The following INPP4A variants were observed in gnomAD, a reference collection of about 807,000 sequenced individuals.
INPP4A encodes the protein inositol polyphosphate-4-phosphatase type I A.
A neutral mutation model predicts 119.8 loss-of-function variants in INPP4A; 33 were observed. The observed-to-expected ratio is 0.28, with a 90% CI of 0.21 to 0.37. The LOEUF (loss-of-function observed/expected upper bound fraction) is 0.37. Among genes scored for constraint, INPP4A ranks in the 10% least tolerant of loss-of-function variants. The pLI is 1.00. For missense variants in INPP4A, 956 were observed against 1,289.9 expected, an observed-to-expected ratio of 0.74 and a Z score of 3.97; for synonymous variants, 496 against 500.7, an observed-to-expected ratio of 0.99 and a Z score of 0.12.
chr2:98,555,487 G>T lies in INPP4A; in HGVS notation c.1567-66G>T, dbSNP rs114128221. 2.0e-3 allele frequency: 3,007 copies of T among 1,520,540 alleles called. 47 individuals are homozygous for T. In the African/African-American group the frequency reaches 0.037, roughly 19 times the overall value. 94.2% of individuals were successfully genotyped at this position (1,520,540 alleles called of 1,614,324 possible). On this transcript the variant is annotated intron_variant, in intron 15 of 24. Transcript: ENST00000409851. ...GCAGGGGATCAGTGGAGGGCGATTT[G>T]GTTTGTGTTATGTTTGTGTTTCTGT...
At chr2:98,487,298 A>T (rs56091613) in intron 1 of INPP4A, among the ~76,000 whole-genome samples, 15 of 152,092 alleles carry the variant, frequency 9.9e-5, no homozygotes, top group Non-Finnish European at 1.8e-4. Flanking sequence ...TGTATTTGTC[A>T]TATCTCCCTA....
chr2:98,510,817 T>A (rs1231092584), intron 1 of INPP4A, among the ~76,000 whole-genome samples: 1 of 152,238 alleles, frequency 6.6e-6, no homozygotes, highest in East Asian at 1.9e-4. Flanking sequence ...GGCCCTGTAT[T>A]ATAGTAGTAA....
chr2:98,541,828 T>C (rs146491312), intron 10 of INPP4A, among the ~76,000 whole-genome samples: 3 of 152,326 alleles, frequency 2.0e-5, no homozygotes, highest in East Asian at 3.9e-4. Context: ...CAAGTGATCC[T>C]CCCACCTTGG....
chr2:98,536,006 G>A lies in INPP4A; in HGVS notation c.388-123G>A, dbSNP rs148554834. The stretch of plus-strand genomic sequence containing the variant: ...GCGAATTGTTAAGCTTTCCCATTGG[G>A]CTTCTGACATAAGGGTAAGAGGTGT... On this transcript the variant is annotated intron_variant, in intron 6 of 24. Transcript: ENST00000409851. 7.8e-3 allele frequency: 5,657 copies of A among 722,608 alleles called. 44 individuals carry two copies. Among genetic ancestry groups the A allele is most frequent in the South Asian group, 9.8e-3 (558 of 56,654 alleles). 44.8% of individuals were successfully genotyped at this position (722,608 alleles called of 1,614,324 possible). A position where few individuals can be genotyped will look rare whatever the true frequency, so the allele number is the denominator to read the frequency against.
At chr2:98,499,959 G>C (rs1043349158) in intron 1 of INPP4A, among the ~76,000 whole-genome samples, 1 of 152,154 alleles carries the variant, frequency 6.6e-6, no homozygotes, top group African/African-American at 2.4e-5. Flanking sequence ...ACTTGTGTCC[G>C]TGGGTCTGGC....
At chr2:98,513,217 C>T (rs1384163761) in intron 1 of INPP4A, among the ~76,000 whole-genome samples, 2 of 152,170 alleles carry the variant, frequency 1.3e-5, no homozygotes, top group Non-Finnish European at 2.9e-5. Flanking sequence ...GCTTTTATGA[C>T]CCATGCCAAC....
intron 1 of INPP4A, among the ~76,000 whole-genome samples, chr2:98,449,150 T>C (rs1694805965): frequency 6.6e-6 from 1 of 152,202 alleles, no homozygotes; most frequent in African/African-American, 2.4e-5. Flanking sequence ...TTAATCTGTG[T>C]CTTAAAGGAA....
chr2:98,540,184 G>T (rs1413171287), intron 10 of INPP4A, among the ~76,000 whole-genome samples: 2 of 152,060 alleles, frequency 1.3e-5, no homozygotes, highest in Admixed American at 1.3e-4. Flanking sequence ...CACCCACCTC[G>T]GCCTCCCAAA....
At position 98,538,882 on chromosome 2, in the gene INPP4A, C is replaced by A. The variant is rs1424623103; in HGVS notation, c.580-9C>A. The A allele has an allele frequency of 5.8e-6, 9 of 1,557,970 alleles. No homozygotes were observed. Among genetic ancestry groups the A allele is most frequent in the South Asian group, 1.1e-5 (1 of 88,922 alleles). ...CAGTTTTCTTGTGCATTTCCTTATA[C>A]ATTATCAGATGGTTCTTCCTGTCGA... On this transcript the variant is annotated splice_polypyrimidine_tract_variant and intron_variant, in intron 8 of 24. Transcript: ENST00000409851.
intron 4 of INPP4A, among the ~76,000 whole-genome samples, chr2:98,523,882 C>T (rs539741578): frequency 6.6e-6 from 1 of 152,130 alleles, no homozygotes; most frequent in African/African-American, 2.4e-5. Context: ...TATGTTTGAC[C>T]CTCACAGAGT....
chr2:98,448,743 T>A (rs1694718858), intron 1 of INPP4A, among the ~76,000 whole-genome samples: 1 of 149,060 alleles, frequency 6.7e-6, no homozygotes, highest in African/African-American at 2.5e-5. Flanking sequence ...AGACAAGGTC[T>A]CCCTTCGTTG....
At chr2:98,459,018 C>T (rs1032142864) in intron 1 of INPP4A, among the ~76,000 whole-genome samples, 7 of 152,250 alleles carry the variant, frequency 4.6e-5, no homozygotes, top group African/African-American at 1.7e-4. Flanking sequence ...CTGACTTTTA[C>T]CACATTTGCC....
intron 1 of INPP4A, among the ~76,000 whole-genome samples, chr2:98,487,112 A>G (rs1444816982): frequency 1.3e-5 from 2 of 152,232 alleles, no homozygotes; most frequent in Non-Finnish European, 1.5e-5. Context: ...CTCCCATATG[A>G]TACCTCCTGC....
chr2:98,483,536 A>T (rs1478566339), intron 1 of INPP4A, among the ~76,000 whole-genome samples: 1 of 151,788 alleles, frequency 6.6e-6, no homozygotes, highest in Non-Finnish European at 1.5e-5. Context: ...TGCATGTGGG[A>T]TCTGTCGCCA....
At chr2:98,586,315 G>C (rs769090548) in intron 24 of INPP4A, among the ~76,000 whole-genome samples, 1 of 151,718 alleles carries the variant, frequency 6.6e-6, no homozygotes, top group African/African-American at 2.4e-5. Flanking sequence ...ACTTTAAAAG[G>C]CTTGAGCAAT....
intron 1 of INPP4A, among the ~76,000 whole-genome samples, chr2:98,471,013 G>A (rs534322142): frequency 6.6e-6 from 1 of 152,258 alleles, no homozygotes; most frequent in Admixed American, 6.5e-5. Context: ...CTCTGAATAG[G>A]TTTCAGTGTG....
At chr2:98,489,400 G>A (rs1279958783) in intron 1 of INPP4A, among the ~76,000 whole-genome samples, 1 of 152,174 alleles carries the variant, frequency 6.6e-6, no homozygotes, top group Non-Finnish European at 1.5e-5. Context: ...AGGCTGCAGA[G>A]TGGAGGGATA....
intron 1 of INPP4A, among the ~76,000 whole-genome samples, chr2:98,518,379 G>A (rs758630177): frequency 5.3e-5 from 8 of 152,192 alleles, no homozygotes; most frequent in African/African-American, 1.9e-4. Context: ...CTGCTCTTGC[G>A]GTCATCTGAT....
In INPP4A at chr2:98,587,578, C is replaced by G. The variant is rs768083744; in HGVS notation, c.2889C>G (p.Pro963=). Reference sequence around the variant, plus strand: ...CTTTCCCCAAGCATTACAGGCCTCCCGAAGGGACTTACGGAAAAGTTGAAA... The same window carrying G: ...CTTTCCCCAAGCATTACAGGCCTCCGGAAGGGACTTACGGAAAAGTTGAAA... ...LKAFPKHYRP[P]EGTYGKVET The change falls in exon 25 of 25, where the codon CCC becomes CCG. Residue 963 remains proline (P), a synonymous_variant. Transcript: ENST00000409851. The G allele has an allele frequency of 1.2e-6, 2 of 1,600,192 alleles. No individual in the cohort carries two copies. The highest frequency in any genetic ancestry group is 1.7e-6 in the Non-Finnish European group (2 of 1,176,278).
Sources: gnomAD v4.1 joint callset for allele counts (sites outside exome capture counted in the v4.1 genomes callset) on GRCh38, gnomAD v4.1.1 for gene constraint, MANE v1.5 for transcripts, NCBI Gene and HGNC (gene_info 2026-07-23, HGNC 2026-07-21) for gene names.